AZIN2: variants seen among roughly 807,000 people sequenced by gnomAD.
The protein encoded by AZIN2 is antizyme inhibitor 2.
In AZIN2, 28 loss-of-function variants were observed where a neutral mutation model predicts 47.8. The ratio of observed to expected loss-of-function variants is 0.59; its 90% confidence interval spans 0.43 to 0.80. The LOEUF is 0.80. AZIN2 is among the 30% of genes least tolerant of loss of function. The probability of loss-of-function intolerance (pLI) is 0.00; values close to 1 mark genes in which losing one functional copy is unlikely to be tolerated. For synonymous variants in AZIN2, 221 were observed against 239.4 expected (o/e 0.92, Z 0.71); for missense variants, 535 against 582.5 (o/e 0.92, Z 0.84).
intron 5 of AZIN2, among the ~76,000 whole-genome samples, chr1:33,086,308 G>A (rs762115860): frequency 9.2e-5 from 14 of 152,162 alleles, no homozygotes; most frequent in Non-Finnish European, 1.3e-4. Flanking sequence ...GCATCAGGGT[G>A]GTGGCAGCTT....
chr1:33,141,382 C>T, the AZIN2 span, among the ~76,000 whole-genome samples: 1 of 152,180 alleles, frequency 6.6e-6, no homozygotes, highest in Non-Finnish European at 1.5e-5. Context: ...GACTGGGAAC[C>T]AGGACACTTG....
intron 8 of AZIN2, 89 bp downstream of exon 8, chr1:33,094,802 G>C: frequency 7.0e-7 from 1 of 1,420,482 alleles, no homozygotes; most frequent in African/African-American, 1.4e-5. Context: ...CACCGTGCGT[G>C]GGTCCTATGC....
intron 10 of AZIN2, among the ~76,000 whole-genome samples, chr1:33,105,213 T>C (rs564582958): frequency 6.6e-6 from 1 of 152,348 alleles, no homozygotes; most frequent in African/African-American, 2.4e-5. Flanking sequence ...ATCTTGTTTT[T>C]GATTTCTACT....
chr1:33,156,256 C>T, the AZIN2 span, among the ~76,000 whole-genome samples: 1 of 152,180 alleles, frequency 6.6e-6, no homozygotes, highest in Non-Finnish European at 1.5e-5. Context: ...ACAGCACTGC[C>T]ACACTCTCTC....
the AZIN2 span, among the ~76,000 whole-genome samples, chr1:33,148,801 T>C: frequency 7.2e-5 from 11 of 152,320 alleles, no homozygotes; most frequent in East Asian, 1.9e-4. Context: ...TCTGAAAAGA[T>C]TGAAAACCAT....
intron 5 of AZIN2, among the ~76,000 whole-genome samples, chr1:33,086,372 G>A (rs1641901416): frequency 6.6e-6 from 1 of 152,166 alleles, no homozygotes; most frequent in Non-Finnish European, 1.5e-5. Context: ...CTGGGGAGAG[G>A]ATGGCTGAGC....
chr1:33,114,643 G>A (rs1238742863), intron 10 of AZIN2, among the ~76,000 whole-genome samples: 2 of 141,114 alleles, frequency 1.4e-5, no homozygotes, highest in Non-Finnish European at 3.0e-5. Context: ...ATGAGCCACC[G>A]CGACCCGCCT....
In AZIN2 at chr1:33,093,387, G is replaced by T; in HGVS notation, c.558G>T (p.Lys186Asn). 6.2e-7 allele frequency: 1 copy of T among 1,614,104 alleles called. No individual in the cohort carries two copies. Among genetic ancestry groups the T allele is most frequent in the Non-Finnish European group, 8.5e-7 (1 of 1,179,998 alleles). The change falls in exon 7 of 12, where the codon AAG (lysine) becomes AAT (asparagine). Residue 186 changes from lysine (K) to asparagine (N), a missense_variant. Lys to Asn is a moderately conservative substitution (Grantham distance 94, BLOSUM62 0). Transcript: ENST00000294517. ...KSCRHLLENAKKHHVEVVGVS... is the reference protein window; with the variant it reads ...KSCRHLLENANKHHVEVVGVS... ...GCAGACACCTGCTTGAAAATGCGAA[G>T]AAGCACCATGTGGAGGTGGTGGGTG...
At chr1:33,145,287 A>G in the AZIN2 span, 43 of 152,574 alleles carry the variant, frequency 2.8e-4, no homozygotes, top group Non-Finnish European at 5.4e-4. Flanking sequence ...AAATGAGCAT[A>G]ATACCATTTA....
the AZIN2 span, among the ~76,000 whole-genome samples, chr1:33,151,353 A>G: frequency 6.6e-6 from 1 of 152,012 alleles, no homozygotes; most frequent in African/African-American, 2.4e-5. Context: ...GGAGACTTCT[A>G]TACCCCAAGG....
At chr1:33,161,080 T>C in the AZIN2 span, among the ~76,000 whole-genome samples, 48 of 152,358 alleles carry the variant, frequency 3.2e-4, no homozygotes, top group East Asian at 8.5e-3. The surrounding 1 kb of genome is among the most constrained non-coding windows in gnomAD (Gnocchi z 4.3). Flanking sequence ...TTTTCTTATC[T>C]GTGAAAGGAG....
chr1:33,117,762 G>C (rs1644618426), intron 10 of AZIN2, 140 bp from the exon 11 acceptor site: 3 of 908,888 alleles, frequency 3.3e-6, no homozygotes, highest in African/African-American at 3.3e-5. Context: ...GAAGTGGGAA[G>C]GGCCTTAAAT....
intron 10 of AZIN2, among the ~76,000 whole-genome samples, chr1:33,109,721 GTTCTA>G (rs1039634531): frequency 6.6e-6 from 1 of 151,414 alleles, no homozygotes; most frequent in Non-Finnish European, 1.5e-5. Context: ...GGTGTTGTGT[GTTCTA>G]TTCTTTTTTT....
At chr1:33,097,642 A>G (rs1643298700) in intron 9 of AZIN2, among the ~76,000 whole-genome samples, 2 of 152,182 alleles carry the variant, frequency 1.3e-5, no homozygotes, top group Non-Finnish European at 2.9e-5. Flanking sequence ...CGTGTGTGGC[A>G]TTCTTCTGGC....
rs1266775458 is a variant in AZIN2, at chr1:33,120,816, GC to G, written c.*636del. On this transcript the variant is annotated 3_prime_UTR_variant, in exon 12 of 12. Coordinates refer to ENST00000294517, the MANE Select transcript of AZIN2 (RefSeq NM_052998.4). The stretch of plus-strand genomic sequence containing the variant: ...GGGTCAGCCCAACACCCAGCTTAAG[GC>G]CTGGCCCAGAGTAGGGGCAATGGAG... 6.6e-6 allele frequency among the ~76,000 whole-genome samples: 1 copy of G among 152,222 alleles called. No individual in the cohort carries two copies. Among genetic ancestry groups the G allele is most frequent in the African/African-American group, 2.4e-5 (1 of 41,454 alleles).
rs371499147 is a variant in AZIN2, at chr1:33,083,994, T to C, written c.146T>C (p.Ile49Thr). Reference protein sequence around the residue: ...AAFFVADLGAIVRKHFCFLKC... With the variant: ...AAFFVADLGATVRKHFCFLKC... The stretch of plus-strand genomic sequence containing the variant: ...TTCTTCGTGGCTGACCTGGGTGCCA[T>C]AGTGAGGAAGCACTTTTGCTTTCTG... The change falls in exon 5 of 12, where the codon ATA (isoleucine) becomes ACA (threonine). Residue 49 changes from isoleucine to threonine, a missense_variant. By Grantham distance (89) the Ile-to-Thr change is moderately conservative (BLOSUM62 -1). This residue lies in a region of AZIN2 where 409 missense variants were observed against 429.0 expected (regional missense o/e 0.95). Transcript: ENST00000294517. 26 of 1,614,158 alleles carry C rather than the reference T, an allele frequency of 1.6e-5. No homozygotes were observed. In the East Asian group the frequency reaches 5.1e-4, roughly 32 times the overall value.
In AZIN2 at chr1:33,107,012, C is replaced by T. The variant is rs535584503; in HGVS notation, c.1029+8833C>T. On this transcript the variant is annotated intron_variant, in intron 10 of 11. Transcript: ENST00000294517. ...ATATATAGAAAACTCTAAGGCTTGG[C>T]GTGGTGGCTCATGCCTGTAATCCTA... 4.7e-4 allele frequency among the ~76,000 whole-genome samples: 72 copies of T among 152,298 alleles called. 2 individuals carry two copies. The South Asian group carries it at 0.014, about 30-fold the overall frequency.
rs1374090725 is a variant in AZIN2, at chr1:33,094,687, G to T, written c.727G>T (p.Glu243Ter). 1.2e-6 allele frequency: 2 copies of T among 1,614,080 alleles called. No individual in the cohort carries two copies. The highest frequency in any genetic ancestry group is 1.7e-6 in the Non-Finnish European group (2 of 1,180,038). ...LDLGGGFPGT[E>*]GAKVRFEEIA... ...CCTTGGTGGTGGCTTCCCTGGCACA[G>T]AAGGGGCCAAAGTGAGATTTGAAGA... Residue 243 changes from glutamate to a stop codon, truncating the protein, a stop_gained, in exon 8 of 12, where the codon GAA (glutamate) becomes TAA (stop). Coordinates refer to ENST00000294517, the MANE Select transcript of AZIN2 (RefSeq NM_052998.4). LOFTEE classifies it high-confidence loss of function.
the AZIN2 span, among the ~76,000 whole-genome samples, chr1:33,130,563 G>A: frequency 1.3e-5 from 2 of 152,290 alleles, no homozygotes; most frequent in Admixed American, 1.3e-4. Context: ...TCCTCCCCCA[G>A]GCAAGCCTTA....
Sources: gnomAD v4.1 joint callset for allele counts (sites outside exome capture counted in the v4.1 genomes callset) on GRCh38, gnomAD v4.1.1 for gene constraint, gnomAD v4.1.1 regional missense constraint, Gnocchi (gnomAD v3.1) non-coding constraint, MANE v1.5 for transcripts, NCBI Gene and HGNC (gene_info 2026-07-23, HGNC 2026-07-21) for gene names.